TMTC1: variants seen among roughly 807,000 people sequenced by gnomAD.
The protein encoded by TMTC1 is transmembrane O-mannosyltransferase targeting cadherins 1, also known as protein O-mannosyl-transferase TMTC1.
Under a neutral mutation model 104.8 loss-of-function variants are expected in TMTC1, and 73 were observed. The ratio of observed to expected loss-of-function variants is 0.70; its 90% CI spans 0.58 to 0.85. TMTC1 has a LOEUF of 0.85. Ranked by LOEUF, TMTC1 falls within the 40% of genes least tolerant of loss-of-function variation. TMTC1 has a pLI of 0.00. For synonymous variants in TMTC1, 434 were observed against 428.7 expected (o/e 1.01, Z -0.15); for missense variants, 1,035 against 1,096.1 (o/e 0.94, Z 0.79).
At chr12:29,552,221 C>T (rs1945124315) in intron 10 of TMTC1, among the ~76,000 whole-genome samples, 1 of 151,830 alleles carries the variant, frequency 6.6e-6, no homozygotes, top group African/African-American at 2.4e-5. Context: ...ATATGGCTGT[C>T]CTGAGATGTG....
intron 5 of TMTC1, among the ~76,000 whole-genome samples, chr12:29,710,905 A>G (rs1299455836): frequency 4.7e-5 from 1 of 21,392 alleles, no homozygotes; most frequent in South Asian, 3.8e-3. Flanking sequence ...TAAATATATT[A>G]ATAATATATA....
At chr12:29,769,495 G>A (rs1387699313) in intron 1 of TMTC1, among the ~76,000 whole-genome samples, 1 of 152,182 alleles carries the variant, frequency 6.6e-6, no homozygotes, top group Non-Finnish European at 1.5e-5. Flanking sequence ...AACAAAGCGG[G>A]GAGACCAGCA....
intron 5 of TMTC1, among the ~76,000 whole-genome samples, chr12:29,669,318 C>T (rs1461109446): frequency 1.3e-5 from 2 of 152,138 alleles, no homozygotes; most frequent in African/African-American, 2.4e-5. Context: ...CCTTTCACTC[C>T]GGGACTTCAT....
intron 5 of TMTC1, among the ~76,000 whole-genome samples, chr12:29,663,009 G>A (rs1940107433): frequency 6.6e-6 from 1 of 152,208 alleles, no homozygotes; most frequent in Non-Finnish European, 1.5e-5. Flanking sequence ...GATACTGTCA[G>A]CTCTCACAAC....
At chr12:29,537,999 G>A (rs1263273625) in intron 10 of TMTC1, among the ~76,000 whole-genome samples, 1 of 152,128 alleles carries the variant, frequency 6.6e-6, no homozygotes, top group Non-Finnish European at 1.5e-5. Flanking sequence ...TGTTTCTCAG[G>A]AGAGGTGGTG....
intron 5 of TMTC1, among the ~76,000 whole-genome samples, chr12:29,669,022 G>C (rs890273394): frequency 2.6e-5 from 4 of 152,186 alleles, no homozygotes; most frequent in Non-Finnish European, 5.9e-5. Context: ...AGAGCTGGGA[G>C]GGCGTCACTG....
intron 11 of TMTC1, 38 bp from the exon 12 acceptor site, chr12:29,520,758 G>T: frequency 6.5e-7 from 1 of 1,543,240 alleles, no homozygotes; most frequent in Non-Finnish European, 8.8e-7. Context: ...AAGTGAGAAA[G>T]CTTTCTAAAA....
chr12:29,724,396 G>GT (rs1942324528), intron 5 of TMTC1, among the ~76,000 whole-genome samples: 1 of 152,118 alleles, frequency 6.6e-6, no homozygotes, highest in African/African-American at 2.4e-5. Context: ...AATGTCATTT[G>GT]TAAGAATACA....
At chr12:29,760,591 A>G (rs928348970) in intron 2 of TMTC1, among the ~76,000 whole-genome samples, 30 of 152,176 alleles carry the variant, frequency 2.0e-4, no homozygotes, top group African/African-American at 6.8e-4. Context: ...TAAAATCACC[A>G]TTCCTGAGAA....
At chr12:29,696,715 A>G (rs41321044) in intron 5 of TMTC1, among the ~76,000 whole-genome samples, 8,876 of 152,254 alleles carry the variant, frequency 0.058, 604 homozygotes, top group East Asian at 0.31. Context: ...GTGTCACATC[A>G]GATACTTAAG....
Position 29,673,454 on chromosome 12 carries a change from C to T in TMTC1, c.939-40118G>A, listed in dbSNP as rs571291331. 2.0e-5 allele frequency among the ~76,000 whole-genome samples: 3 copies of T among 152,164 alleles called. 1 individual carries two copies. Among genetic ancestry groups the T allele is most frequent in the South Asian group, 2.1e-4 (1 of 4,826 alleles). ...CTACATGATTATTTTTAAAGGCATG[C>T]TTCTTATGTTCATATAATTTTTCGA... On this transcript the variant is annotated intron_variant, in intron 5 of 17. Coordinates refer to ENST00000539277, the MANE Select transcript of TMTC1 (RefSeq NM_001193451.2).
intron 16 of TMTC1, among the ~76,000 whole-genome samples, chr12:29,512,951 C>T (rs929489988): frequency 2.0e-5 from 3 of 152,132 alleles, no homozygotes; most frequent in Non-Finnish European, 2.9e-5. Flanking sequence ...TATGACCAAA[C>T]AGGTCCATCA....
At chr12:29,595,314 T>C (rs897751309) in intron 7 of TMTC1, among the ~76,000 whole-genome samples, 5 of 152,214 alleles carry the variant, frequency 3.3e-5, no homozygotes, top group Admixed American at 6.5e-5. Context: ...GCACAACACA[T>C]TGGCCAGTGG....
rs547999271 is a variant in TMTC1 at position 29,767,357 on chromosome 12, G to A, written c.480+541C>T. Among the ~76,000 whole-genome samples the A allele has an allele frequency of 4.6e-5, 7 of 152,300 alleles. No individual in the cohort carries two copies. The South Asian group carries it at 1.0e-3, about 23-fold the overall frequency. On this transcript the variant is annotated intron_variant, in intron 2 of 17. Transcript: ENST00000539277. ...GCTCCTAAGTCTGTCTTTCTAACTT[G>A]AAGAATGTCAGTCTAATTTTTTATA... is the stretch of plus-strand genomic sequence containing the variant.
In TMTC1 at chr12:29,556,942, CTGTGT is replaced by C; in HGVS notation, c.1586_1590del (p.Asp529GlyfsTer18). On this transcript the variant is annotated frameshift_variant, in exon 10 of 18. Coordinates refer to ENST00000539277, the MANE Select transcript of TMTC1 (RefSeq NM_001193451.2). LOFTEE classifies it high-confidence loss of function. ...CTCTGATAGTACATCTTTGCCTCTG[CTGTGT>C]CTCTCGTCAGTGTTCCAAGGTTGTT... 1 of 1,614,174 alleles carries C rather than the reference CTGTGT, an allele frequency of 6.2e-7. No homozygotes were observed. The highest frequency in any genetic ancestry group is 8.5e-7 in the Non-Finnish European group (1 of 1,180,024).
At chr12:29,738,632 A>C (rs1214692132) in intron 5 of TMTC1, among the ~76,000 whole-genome samples, 7 of 152,346 alleles carry the variant, frequency 4.6e-5, no homozygotes, top group Admixed American at 4.6e-4. Context: ...AGCTGCTTGG[A>C]CACAACACAC....
At chr12:29,557,514 G>T (rs558353345) in intron 9 of TMTC1, among the ~76,000 whole-genome samples, 1 of 152,212 alleles carries the variant, frequency 6.6e-6, no homozygotes, top group Admixed American at 6.5e-5. Flanking sequence ...GCAGTGGCAC[G>T]ATCTTGGCTC....
chr12:29,646,561 C>A (rs1939276119), intron 5 of TMTC1, among the ~76,000 whole-genome samples: 1 of 152,078 alleles, frequency 6.6e-6, no homozygotes, highest in Non-Finnish European at 1.5e-5. Context: ...TCCCTAGTCC[C>A]CAGGTAAAAT....
chr12:29,530,436 T>C (rs911402980), intron 11 of TMTC1, among the ~76,000 whole-genome samples: 10 of 152,188 alleles, frequency 6.6e-5, no homozygotes, highest in African/African-American at 2.4e-4. Flanking sequence ...AAAGAAACCA[T>C]GGACTGTGGA....
Sources: allele counts gnomAD v4.1 joint callset (sites outside exome capture counted in the v4.1 genomes callset), GRCh38; gene constraint gnomAD v4.1.1; transcripts MANE v1.5; gene names NCBI Gene and HGNC (gene_info 2026-07-23, HGNC 2026-07-21).